Variants in FXR2 observed in about 807,000 individuals in gnomAD.
FXR2 encodes RNA-binding protein FXR2.
FXR2 carries 9 observed loss-of-function variants against 87.3 expected under a neutral mutation model. The observed-to-expected ratio is 0.10, with a 90% CI of 0.06 to 0.18. The LOEUF is 0.18. Among genes scored for constraint, FXR2 ranks in the 10% least tolerant of loss-of-function variants. The pLI, the probability that FXR2 is intolerant of heterozygous loss-of-function variation, is 1.00. For synonymous variants in FXR2, 331 were observed against 328.3 expected (o/e 1.01, Z -0.09); for missense variants, 661 against 893.6 (o/e 0.74, Z 3.32).
Position 7,593,652 on chromosome 17 carries a change from G to C in FXR2, c.1108-27C>G. ...TGGTTGGGTAAAAGATGGAAGAAGG[G>C]GAAGGAGAAATAAGATCAGTGCCTT... On this transcript the variant is annotated intron_variant, in intron 11 of 16. Transcript: ENST00000250113. The surrounding 1 kb of genome is among the most constrained non-coding windows in gnomAD (Gnocchi z 6.1). The C allele has an allele frequency of 6.8e-7, 1 of 1,476,236 alleles. No individual in the cohort carries two copies. The highest frequency in any genetic ancestry group is 9.3e-7 in the Non-Finnish European group (1 of 1,079,308). The allele number at this position is 1,476,236 out of a possible 1,614,324, so 91.4% of individuals were successfully genotyped here.
In FXR2 at chr17:7,595,787, C is replaced by T. The variant is rs759628341; in HGVS notation, c.831+37G>A. On this transcript the variant is annotated intron_variant, in intron 8 of 16. Transcript: ENST00000250113. The surrounding 1 kb of genome is among the most constrained non-coding windows in gnomAD (Gnocchi z 4.7). ...TACTTCGGCCTCTCTTCCCTCTATC[C>T]CCTAAGAGACCCAGAAGAAAGACAT... 23 of 1,567,848 alleles carry T rather than the reference C, an allele frequency of 1.5e-5. No homozygotes were observed. Among genetic ancestry groups the T allele is most frequent in the Non-Finnish European group, 1.8e-5 (21 of 1,139,954 alleles).
At position 7,614,508 on chromosome 17, in the gene FXR2, C is replaced by A; in HGVS notation, c.25G>T (p.Asp9Tyr). Reference protein sequence around the residue: MGGLASGGDVEPGLPVEVR... With the variant: MGGLASGGYVEPGLPVEVR... Reference sequence around the variant, plus strand: ...TCGACGGGCAGTCCCGGCTCCACATCCCCCCCAGAGGCCAGGCCGCCCATG... The same window carrying A: ...TCGACGGGCAGTCCCGGCTCCACATACCCCCCAGAGGCCAGGCCGCCCATG... Residue 9 changes from aspartate (D) to tyrosine (Y), a missense_variant, in exon 1 of 17, where the codon GAT (aspartate) becomes TAT (tyrosine). Asp to Tyr is a radical substitution (Grantham distance 160, BLOSUM62 -3). Coordinates refer to ENST00000250113, the MANE Select transcript of FXR2 (RefSeq NM_004860.4). 1 of 1,516,510 alleles carries A rather than the reference C, an allele frequency of 6.6e-7. No homozygotes were observed. The highest frequency in any genetic ancestry group is 1.2e-5 in the South Asian group (1 of 80,652). The allele number at this position is 1,516,510 out of a possible 1,614,324, so 93.9% of individuals were successfully genotyped here.
chr17:7,607,094 A>ATG (rs2071808907), intron 1 of FXR2, among the ~76,000 whole-genome samples: 1 of 152,148 alleles, frequency 6.6e-6, no homozygotes, highest in Non-Finnish European at 1.5e-5. Context: ...CGAGGCAGGC[A>ATG]GATCACCTGA....
In FXR2 at chr17:7,614,586, T is replaced by A; in HGVS notation, c.-54A>T. The stretch of plus-strand genomic sequence containing the variant: ...GCGGCGGCTGCAGCAGCAGTCTGAG[T>A]GCGGGCCGGGCCAGGCCCCCGGCGT... On this transcript the variant is annotated 5_prime_UTR_variant, in exon 1 of 17. Transcript: ENST00000250113. 8.3e-7 allele frequency: 1 copy of A among 1,205,500 alleles called. No homozygotes were observed. Among genetic ancestry groups the A allele is most frequent in the East Asian group, 3.1e-5 (1 of 31,760 alleles). The allele number at this position is 1,205,500 out of a possible 1,614,324, so 74.7% of individuals were successfully genotyped here.
Position 7,593,864 on chromosome 17 carries a change from A to G in FXR2, c.1107+54T>C. 1 of 1,119,210 alleles carries G rather than the reference A, an allele frequency of 8.9e-7. No homozygotes were observed. Among genetic ancestry groups the G allele is most frequent in the South Asian group, 1.2e-5 (1 of 80,962 alleles). The allele number at this position is 1,119,210 out of a possible 1,614,324, so 69.3% of individuals were successfully genotyped here. ...CCAAAATCCCTGAGCTGACCCCCAC[A>G]GCAGTCTTAGTTCCCTTTTCACACC... On this transcript the variant is annotated intron_variant, in intron 11 of 16. Transcript: ENST00000250113. This position sits in a 1 kb window ranked among gnomAD's most constrained non-coding sequence, Gnocchi z 6.1.
At chr17:7,603,590 G>T (rs2071777972) in intron 5 of FXR2, among the ~76,000 whole-genome samples, 167 bp downstream of exon 5, 1 of 151,806 alleles carries the variant, frequency 6.6e-6, no homozygotes, top group Non-Finnish European at 1.5e-5. Context: ...TAAAGAACAA[G>T]GATGGGAAAA....
Position 7,610,065 on chromosome 17 carries a change from C to T in FXR2, c.82-3916G>A, listed in dbSNP as rs114000142. 6.9e-4 allele frequency among the ~76,000 whole-genome samples: 80 copies of T among 115,360 alleles called. 1 individual carries two copies. The highest frequency in any genetic ancestry group is 2.4e-3 in the African/African-American group (66 of 27,926). 75.7% of individuals were successfully genotyped at this position (115,360 alleles called of 152,430 possible). ...ATATATATACACACACACACACACA[C>T]ATATATATAAATTAGCCAGGCGTGG... On this transcript the variant is annotated intron_variant, in intron 1 of 16. Coordinates refer to ENST00000250113, the MANE Select transcript of FXR2 (RefSeq NM_004860.4).
At chr17:7,614,370 G>A (rs533623556) in intron 1 of FXR2, 82 bp downstream of exon 1, 2 of 1,038,800 alleles carry the variant, frequency 1.9e-6, no homozygotes, top group East Asian at 2.6e-5. Flanking sequence ...AGCTCCAGAA[G>A]CTCGATCCCG....
chr17:7,610,376 C>A (rs913471980), intron 1 of FXR2, among the ~76,000 whole-genome samples: 1 of 152,244 alleles, frequency 6.6e-6, no homozygotes, highest in South Asian at 2.1e-4. Context: ...ATATTCAAAT[C>A]GGCTATGCCT....
chr17:7,604,029 C>G lies in FXR2; in HGVS notation c.280G>C (p.Val94Leu). The change falls in exon 4 of 17, where the codon GTG becomes CTG. Residue 94 changes from valine (V) to leucine (L), a missense_variant. Physicochemically the swap from Val to Leu is conservative, Grantham distance 32. Around this residue, in one of 3 missense-constraint regions of FXR2, gnomAD observed 170 missense variants for 247.2 expected, o/e 0.69. Coordinates refer to ENST00000250113, the MANE Select transcript of FXR2 (RefSeq NM_004860.4). ...CTCACATCTCCCTTCATCATCCGCA[C>G]CCGGGCCAGCCACCAGCCACAAGGT... ...QEPCGWWLAR[V>L]RMMKGDFYVI... The G allele has an allele frequency of 5.0e-6, 8 of 1,590,178 alleles. 1 individual carries two copies. Among genetic ancestry groups the G allele is most frequent in the Non-Finnish European group, 6.8e-6 (8 of 1,169,232 alleles).
chr17:7,602,651 C>T (rs1242991075), intron 6 of FXR2: 4 of 307,636 alleles, frequency 1.3e-5, no homozygotes, highest in African/African-American at 6.7e-5. Flanking sequence ...ATTGCTTGAA[C>T]CCGGGAGGTG....
At chr17:7,599,956 GGT>G (rs1567750157) in intron 7 of FXR2, among the ~76,000 whole-genome samples, 1 of 152,164 alleles carries the variant, frequency 6.6e-6, no homozygotes, top group Non-Finnish European at 1.5e-5. Flanking sequence ...GGAGTACAAT[GGT>G]GTGATCTCGG....
Position 7,592,851 on chromosome 17 carries a change from C to A in FXR2, c.1572G>T (p.Thr524=). The part of the protein sequence containing the change: ...PDSNPYSLLD[T]SEPEPPVDSE... Reference sequence around the variant, plus strand: ...AATCAACCGGGGGCTCTGGTTCAGACGTGTCCAATAGGCTGTAGGGATTAC... The same window carrying A: ...AATCAACCGGGGGCTCTGGTTCAGAAGTGTCCAATAGGCTGTAGGGATTAC... Residue 524 remains threonine (T), a synonymous_variant, in exon 14 of 17, where the codon ACG becomes ACT. Transcript: ENST00000250113. The surrounding 1 kb of genome is among the most constrained non-coding windows in gnomAD (Gnocchi z 4.8). 1.9e-6 allele frequency: 3 copies of A among 1,608,636 alleles called. No individual in the cohort carries two copies. Among genetic ancestry groups the A allele is most frequent in the Non-Finnish European group, 2.5e-6 (3 of 1,177,276 alleles).
In FXR2 at chr17:7,592,177, T is replaced by C. The variant is rs1343655851; in HGVS notation, c.1926+77A>G. ...CTGCCTCTGCAATTCAGTAGGAGAT[T>C]TGTGAAATTTTTTGTGCCCCCTGCC... On this transcript the variant is annotated intron_variant, in intron 16 of 16. Coordinates refer to ENST00000250113, the MANE Select transcript of FXR2 (RefSeq NM_004860.4). The surrounding 1 kb of genome is among the most constrained non-coding windows in gnomAD (Gnocchi z 4.8). The C allele has an allele frequency of 7.1e-6, 11 of 1,557,500 alleles. No individual in the cohort carries two copies. The highest frequency in any genetic ancestry group is 4.5e-5 in the East Asian group (2 of 44,294).
At chr17:7,596,026 T>C in intron 7 of FXR2, 32 bp from the exon 8 acceptor site, 1 of 1,568,412 alleles carries the variant, frequency 6.4e-7, no homozygotes, top group Non-Finnish European at 8.8e-7. Flanking sequence ...GGAATCATGG[T>C]GGTAGAATCT....
intron 1 of FXR2, among the ~76,000 whole-genome samples, chr17:7,609,959 T>TATATATACATGCCTATGTATAC (rs1567753841): frequency 9.8e-6 from 1 of 101,688 alleles, no homozygotes; most frequent in Non-Finnish European, 2.5e-5. Flanking sequence ...TGTATACATA[T>TATATATACATGCCTATGTATAC]ATATACATGT....
rs1276088580 is a variant in FXR2 at position 7,595,651 on chromosome 17, T to A, written c.831+173A>T. Among the ~76,000 whole-genome samples, 1 of 152,140 alleles carries A rather than the reference T, an allele frequency of 6.6e-6. No homozygotes were observed. Among genetic ancestry groups the A allele is most frequent in the Non-Finnish European group, 1.5e-5 (1 of 68,024 alleles). ...TTTGTAGAGATTGGGTCTCACTATGTTGCACAGGCTGGTCTCAAACTCCTA... is the reference window on the plus strand; with the variant it reads ...TTTGTAGAGATTGGGTCTCACTATGATGCACAGGCTGGTCTCAAACTCCTA... On this transcript the variant is annotated intron_variant, in intron 8 of 16. Transcript: ENST00000250113. This position sits in a 1 kb window ranked among gnomAD's most constrained non-coding sequence, Gnocchi z 4.7.
intron 6 of FXR2, 134 bp from the exon 7 acceptor site, chr17:7,601,659 T>C (rs12452603): frequency 0.28 from 172,162 of 608,790 alleles, 26,431 homozygotes; most frequent in African/African-American, 0.42. Context: ...CCGGGCGCGG[T>C]GGCTCATGCC....
At chr17:7,610,233 C>T (rs955208876) in intron 1 of FXR2, among the ~76,000 whole-genome samples, 1 of 151,900 alleles carries the variant, frequency 6.6e-6, no homozygotes, top group African/African-American at 2.4e-5. Context: ...CAGTTCTTTA[C>T]CCAAAATGTC....
Sources: allele counts gnomAD v4.1 joint callset (sites outside exome capture counted in the v4.1 genomes callset), GRCh38; gene constraint gnomAD v4.1.1; regional missense constraint gnomAD v4.1.1; non-coding constraint Gnocchi (gnomAD v3.1); transcripts MANE v1.5; gene names NCBI Gene and HGNC (gene_info 2026-07-23, HGNC 2026-07-21).